Variants in PPP2R2B observed in about 807,000 individuals in gnomAD.
PPP2R2B encodes protein phosphatase 2 regulatory subunit Bbeta.
Under a neutral mutation model 46.0 loss-of-function variants are expected in PPP2R2B, and 5 were observed. The ratio of observed to expected loss-of-function variants is 0.11; its 90% CI spans 0.06 to 0.23. The LOEUF is 0.23. PPP2R2B is among the 10% of genes least tolerant of loss of function. PPP2R2B has a pLI of 1.00. For synonymous variants in PPP2R2B, 215 were observed against 206.7 expected (o/e 1.04, Z -0.34); for missense variants, 367 against 575.0 (o/e 0.64, Z 3.70).
At chr5:146,845,511 C>G (rs896251753) in intron 2 of PPP2R2B, among the ~76,000 whole-genome samples, 66 of 152,026 alleles carry the variant, frequency 4.3e-4, no homozygotes, top group Non-Finnish European at 9.0e-4. Context: ...CCTCGGCCTC[C>G]TAAAGTGTTG....
intron 5 of PPP2R2B, among the ~76,000 whole-genome samples, chr5:146,684,921 GT>G (rs1426604209): frequency 6.6e-6 from 1 of 152,180 alleles, no homozygotes; most frequent in African/African-American, 2.4e-5. Flanking sequence ...TCTAGGCAGA[GT>G]CCCCGGTGAC....
chr5:146,928,510 C>A (rs1371060258), intron 1 of PPP2R2B, among the ~76,000 whole-genome samples: 20 of 152,088 alleles, frequency 1.3e-4, no homozygotes, highest in African/African-American at 4.6e-4. Flanking sequence ...CTCTCTCATA[C>A]CATCAGGAAA....
chr5:146,854,660 A>G (rs1447120779), intron 2 of PPP2R2B, among the ~76,000 whole-genome samples: 1 of 152,194 alleles, frequency 6.6e-6, no homozygotes, highest in Non-Finnish European at 1.5e-5. Context: ...TTCTTACATT[A>G]TATTAAAACA....
rs148698250 is a variant in PPP2R2B, at chr5:146,708,407, ATGTGTGTG to A, written c.71-7273_71-7266del. Reference sequence around the variant, plus strand: ...TGTATATCTATGTATGTGTGTGTGTATGTGTGTGTGTGTGTGTGTGTGTGTGTGTGTGT... The same window carrying A: ...TGTATATCTATGTATGTGTGTGTGTATGTGTGTGTGTGTGTGTGTGTGTGT... On this transcript the variant is annotated intron_variant, in intron 2 of 9. Transcript: ENST00000394411. Among the ~76,000 whole-genome samples, 969 of 138,650 alleles carry A rather than the reference ATGTGTGTG, an allele frequency of 7.0e-3. 12 individuals carry two copies. Among genetic ancestry groups the A allele is most frequent in the African/African-American group, 0.022 (752 of 34,346 alleles). The allele number at this position is 138,650 out of a possible 152,430, so 91.0% of individuals were successfully genotyped here.
intron 1 of PPP2R2B, among the ~76,000 whole-genome samples, chr5:146,937,471 T>C (rs1182614208): frequency 2.6e-5 from 4 of 152,074 alleles, no homozygotes; most frequent in African/African-American, 9.7e-5. Flanking sequence ...TATTAAGGGG[T>C]TACTTAAATA....
At chr5:146,819,982 G>A (rs1368259009) in intron 2 of PPP2R2B, among the ~76,000 whole-genome samples, 1 of 152,136 alleles carries the variant, frequency 6.6e-6, no homozygotes, top group African/African-American at 2.4e-5. Context: ...AGACAAATAG[G>A]CACACAATCT....
chr5:146,938,108 C>T (rs559410673), intron 1 of PPP2R2B, among the ~76,000 whole-genome samples: 6 of 152,112 alleles, frequency 3.9e-5, no homozygotes, highest in African/African-American at 7.2e-5. Context: ...ATTGAGGTAC[C>T]GTATTTCATG....
At chr5:146,676,074 C>T (rs529108726) in intron 5 of PPP2R2B, among the ~76,000 whole-genome samples, 221 of 152,068 alleles carry the variant, frequency 1.5e-3, no homozygotes, top group African/African-American at 5.1e-3. Context: ...GAGGCCATGC[C>T]CTGACATGTA....
intron 2 of PPP2R2B, among the ~76,000 whole-genome samples, chr5:146,859,744 G>T (rs938107528): frequency 2.6e-5 from 4 of 152,160 alleles, no homozygotes; most frequent in African/African-American, 4.8e-5. Flanking sequence ...CCATGTAAAT[G>T]AACAGGACAT....
chr5:146,684,087 AGG>A (rs1778343799), intron 5 of PPP2R2B, among the ~76,000 whole-genome samples: 1 of 152,228 alleles, frequency 6.6e-6, no homozygotes, highest in Non-Finnish European at 1.5e-5. Flanking sequence ...AATATGGAAT[AGG>A]CTTGATTGAT....
At chr5:146,609,262 A>C (rs1376242872) in intron 7 of PPP2R2B, among the ~76,000 whole-genome samples, 8 of 152,324 alleles carry the variant, frequency 5.3e-5, no homozygotes, top group East Asian at 3.9e-4. Flanking sequence ...ATGGGGAAAA[A>C]ACTGAAAGCC....
At position 146,698,132 on chromosome 5, in the gene PPP2R2B, C is replaced by A. The variant is rs201593853; in HGVS notation, c.181G>T (p.Val61Phe). ...FQREQESKNQ[V>F]HRRGEYNVYS... is the part of the protein sequence containing the mutation. ...ACATTGTATTCACCCCTACGATGAA[C>A]CTGATTTTTACTCTGTAGGAAAGGA... Residue 61 changes from valine to phenylalanine, a missense_variant, in exon 4 of 10, where the codon GTT becomes TTT. Val to Phe is a conservative substitution (Grantham distance 50, BLOSUM62 -1). This residue lies in a region of PPP2R2B where 361 missense variants were observed against 545.5 expected (regional missense o/e 0.66). Coordinates refer to ENST00000394411, the MANE Select transcript of PPP2R2B (RefSeq NM_181675.4). The A allele has an allele frequency of 2.9e-5, 46 of 1,594,318 alleles. No homozygotes were observed. In the East Asian group the frequency reaches 1.0e-3, roughly 35 times the overall value.
At chr5:147,009,864 TACACAC>T (rs201299020) in intron 1 of PPP2R2B, among the ~76,000 whole-genome samples, 91 of 136,656 alleles carry the variant, frequency 6.7e-4, no homozygotes, top group East Asian at 2.1e-3. Context: ...CACACACACA[TACACAC>T]ACACACACAC....
At chr5:146,949,172 C>G (rs751512581) in intron 1 of PPP2R2B, among the ~76,000 whole-genome samples, 21 of 151,840 alleles carry the variant, frequency 1.4e-4, no homozygotes, top group Admixed American at 7.9e-4. Context: ...TATTAAGCTT[C>G]AAGAATAGTT....
chr5:146,797,012 C>T (rs1756581039), intron 2 of PPP2R2B, among the ~76,000 whole-genome samples: 2 of 152,190 alleles, frequency 1.3e-5, no homozygotes, highest in African/African-American at 4.8e-5. Context: ...ATCAGCTAAA[C>T]TCTTCCAAAA....
intron 5 of PPP2R2B, among the ~76,000 whole-genome samples, chr5:146,677,036 G>A (rs1435898690): frequency 2.9e-5 from 4 of 138,542 alleles, no homozygotes; most frequent in African/African-American, 1.2e-4. Context: ...TATAACTCCT[G>A]AACTCCTATC....
At chr5:146,671,637 T>C (rs543264801) in intron 5 of PPP2R2B, among the ~76,000 whole-genome samples, 14 of 152,344 alleles carry the variant, frequency 9.2e-5, no homozygotes, top group African/African-American at 3.1e-4. Flanking sequence ...GCAGATACTA[T>C]AAGTGACGGC....
At chr5:146,939,171 G>A (rs1171187601) in intron 1 of PPP2R2B, among the ~76,000 whole-genome samples, 1 of 152,074 alleles carries the variant, frequency 6.6e-6, no homozygotes, top group Non-Finnish European at 1.5e-5. Flanking sequence ...TTCCAACTGA[G>A]GCCCTGGTTA....
At chr5:146,750,427 C>T (rs1582018954) in intron 2 of PPP2R2B, among the ~76,000 whole-genome samples, 1 of 152,056 alleles carries the variant, frequency 6.6e-6, no homozygotes, top group South Asian at 2.1e-4. Flanking sequence ...AAGTCCTATG[C>T]CTTTATAAAC....
Sources: allele counts gnomAD v4.1 joint callset (sites outside exome capture counted in the v4.1 genomes callset), GRCh38; gene constraint gnomAD v4.1.1; regional missense constraint gnomAD v4.1.1; transcripts MANE v1.5; gene names NCBI Gene and HGNC (gene_info 2026-07-23, HGNC 2026-07-21).